The following POF1B variants were observed in gnomAD, a reference collection of about 807,000 sequenced individuals.
The protein encoded by POF1B is protein POF1B.
In POF1B, 53 loss-of-function variants were observed where a neutral mutation model predicts 55.3. The ratio of observed to expected loss-of-function variants is 0.96; its 90% CI spans 0.77 to 1.20. The LOEUF is 1.20. Among genes scored for constraint, POF1B ranks in the 50% most tolerant of loss-of-function variants. The pLI, the probability that POF1B is intolerant of heterozygous loss-of-function variation, is 0.00. For synonymous variants in POF1B, 188 were observed against 148.3 expected, an observed-to-expected ratio of 1.27 and a Z score of -1.95; for missense variants, 478 against 420.5, an observed-to-expected ratio of 1.14 and a Z score of -1.20.
intron 6 of POF1B, among the ~76,000 whole-genome samples, chrX:85,332,030 A>G (rs1276095148): frequency 9.0e-6 from 1 of 111,605 alleles, no homozygotes; most frequent in Non-Finnish European, 1.9e-5. Flanking sequence ...GGTTGATTTC[A>G]TATCTTGGAT....
At chrX:85,336,063 A>C (rs1181547309) in intron 6 of POF1B, among the ~76,000 whole-genome samples, 2 of 110,218 alleles carry the variant, frequency 1.8e-5, no homozygotes, top group African/African-American at 6.6e-5. Flanking sequence ...ATGAGTTCTA[A>C]TGTTTTGTAT....
chrX:85,280,180 T>A (rs1004283114), intron 16 of POF1B, among the ~76,000 whole-genome samples: 2 of 111,490 alleles, frequency 1.8e-5, no homozygotes, highest in African/African-American at 6.5e-5. Flanking sequence ...AAAGAAACTT[T>A]TTGAATTTTT....
At chrX:85,323,157 G>A (rs190579759) in intron 7 of POF1B, among the ~76,000 whole-genome samples, 2,209 of 111,540 alleles carry the variant, frequency 0.02, 88 homozygotes, top group Admixed American at 0.12. Context: ...TACATTTATT[G>A]CGGCACTATT....
intron 6 of POF1B, among the ~76,000 whole-genome samples, chrX:85,332,809 T>A (rs2147926310): frequency 9.0e-6 from 1 of 111,321 alleles, no homozygotes; most frequent in South Asian, 3.8e-4. Context: ...TATACCACAA[T>A]GTTAGTTATC....
intron 7 of POF1B, among the ~76,000 whole-genome samples, chrX:85,320,414 C>T (rs908691181): frequency 9.1e-6 from 1 of 110,345 alleles, no homozygotes; most frequent in African/African-American, 3.3e-5. Flanking sequence ...ACACAACATA[C>T]CAGAATCTCT....
Position 85,330,990 on chromosome X carries a change from T to C in POF1B, c.813A>G (p.Leu271=). The part of the protein sequence containing the change: ...LADLSRKNTD[L]YHCLLEHLQR... ...GCAAATGTTCTAATAAGCAGTGATATAGATCCGTATTCTTACGGCTCAGAT... is the reference window on the plus strand; with the variant it reads ...GCAAATGTTCTAATAAGCAGTGATACAGATCCGTATTCTTACGGCTCAGAT... Residue 271 remains leucine (L), a synonymous_variant, in exon 7 of 17, where the codon CTA becomes CTG. Transcript: ENST00000262753. The C allele has an allele frequency of 1.7e-6, 2 of 1,203,688 alleles. No homozygotes were observed. Among genetic ancestry groups the C allele is most frequent in the Non-Finnish European group, 2.2e-6 (2 of 891,065 alleles).
At chrX:85,288,075 G>A (rs1932095425) in intron 15 of POF1B, among the ~76,000 whole-genome samples, 1 of 111,396 alleles carries the variant, frequency 9.0e-6, no homozygotes. Flanking sequence ...TGATTTCACT[G>A]GTGAAAATTA....
At position 85,303,458 on chromosome X, in the gene POF1B, A is replaced by G. The variant is rs369521196; in HGVS notation, c.1597T>C (p.Ser533Pro). The G allele has an allele frequency of 7.6e-5, 91 of 1,191,703 alleles. No individual in the cohort carries two copies. Among genetic ancestry groups the G allele is most frequent in the Non-Finnish European group, 9.6e-5 (85 of 881,440 alleles). Residue 533 changes from serine (S) to proline (P), a missense_variant, in exon 15 of 17, where the codon TCC becomes CCC. Ser to Pro is a moderately conservative substitution (Grantham distance 74, BLOSUM62 -1). Coordinates refer to ENST00000262753, the MANE Select transcript of POF1B (RefSeq NM_024921.4). ...CCAGTGGAGGGTTGGTTATGAGAGG[A>G]ATATATTTCTTGCCGCAACTTGGAG... ...ELSKLRQEIY[S>P]SHNQPSTGGR... is the part of the protein sequence containing the mutation.
At chrX:85,346,416 G>A (rs958211677) in intron 5 of POF1B, among the ~76,000 whole-genome samples, 3 of 109,566 alleles carry the variant, frequency 2.7e-5, no homozygotes, top group Non-Finnish European at 5.7e-5. Context: ...CTATAATACC[G>A]AAGATATAGG....
In POF1B at chrX:85,283,536, G is replaced by GA. The variant is rs762512765; in HGVS notation, c.1650-1220dup. ...TTAAAATAAAACATAAAAGAAAACG[G>GA]AAAAAAATGAATGCAGCATGAAATA... On this transcript the variant is annotated intron_variant, in intron 15 of 16. Coordinates refer to ENST00000262753, the MANE Select transcript of POF1B (RefSeq NM_024921.4). Among the ~76,000 whole-genome samples, 8 of 109,793 alleles carry GA rather than the reference G, an allele frequency of 7.3e-5. No homozygotes were observed. The East Asian group carries it at 1.1e-3, about 16-fold the overall frequency.
chrX:85,314,787 G>A (rs889437259), intron 8 of POF1B, among the ~76,000 whole-genome samples: 2 of 111,722 alleles, frequency 1.8e-5, no homozygotes, highest in Admixed American at 9.5e-5. Flanking sequence ...TTAAAAAGAC[G>A]AAATTAAAAG....
At chrX:85,318,600 A>T (rs1176784103) in intron 7 of POF1B, among the ~76,000 whole-genome samples, 2 of 111,796 alleles carry the variant, frequency 1.8e-5, no homozygotes, top group Non-Finnish European at 3.8e-5. Flanking sequence ...CTAACCAGTT[A>T]TCCCAGCACC....
chrX:85,370,882 G>A (rs1407486258), intron 2 of POF1B, among the ~76,000 whole-genome samples: 1 of 112,153 alleles, frequency 8.9e-6, no homozygotes, highest in African/African-American at 3.2e-5. Context: ...GTATCAGTCA[G>A]TGTTTAATTT....
At chrX:85,306,370 T>A (rs1462716236) in intron 11 of POF1B, 37 bp from the exon 12 acceptor site, 6 of 1,172,282 alleles carry the variant, frequency 5.1e-6, no homozygotes, top group African/African-American at 1.8e-5. Flanking sequence ...ACAAATGCAT[T>A]TTGTTTTTGG....
chrX:85,331,080 C>G lies in POF1B; in HGVS notation c.724-1G>C. 1.7e-6 allele frequency: 2 copies of G among 1,197,027 alleles called. No individual in the cohort carries two copies. The highest frequency in any genetic ancestry group is 2.2e-6 in the Non-Finnish European group (2 of 888,914). On this transcript the variant is annotated splice_acceptor_variant, in intron 6 of 16. Coordinates refer to ENST00000262753, the MANE Select transcript of POF1B (RefSeq NM_024921.4). LOFTEE classifies it high-confidence loss of function. ...CAGGGCCATCATCCTGAATTATCAC[C>G]TGAAGCAAACATCAATCACAATTGT... is the stretch of plus-strand genomic sequence containing the variant.
chrX:85,351,646 A>C (rs1236944910), intron 4 of POF1B, among the ~76,000 whole-genome samples, 195 bp from the exon 5 acceptor site: 1 of 110,698 alleles, frequency 9.0e-6, no homozygotes, highest in Non-Finnish European at 1.9e-5. Flanking sequence ...CAAAAAGAAC[A>C]ATCTGGATTT....
Position 85,356,890 on chromosome X carries a change from C to T in POF1B, c.438+2660G>A, listed in dbSNP as rs766442294. On this transcript the variant is annotated intron_variant, in intron 4 of 16. Coordinates refer to ENST00000262753, the MANE Select transcript of POF1B (RefSeq NM_024921.4). The stretch of plus-strand genomic sequence containing the variant: ...TATATAATCCCCAACATCTACTTTA[C>T]GGTTCCCAGGCCCCAAAATCTTGGT... 1.7e-3 allele frequency among the ~76,000 whole-genome samples: 190 copies of T among 111,031 alleles called. 1 individual carries two copies. Among genetic ancestry groups the T allele is most frequent in the African/African-American group, 5.9e-3 (181 of 30,666 alleles).
At chrX:85,332,507 C>G (rs757113802) in intron 6 of POF1B, among the ~76,000 whole-genome samples, 1 of 111,192 alleles carries the variant, frequency 9.0e-6, no homozygotes, top group Non-Finnish European at 1.9e-5. Context: ...ATACTACTTT[C>G]AACATTGCAT....
chrX:85,362,766 A>T (rs1933646827), intron 3 of POF1B, among the ~76,000 whole-genome samples: 1 of 111,283 alleles, frequency 9.0e-6, no homozygotes, highest in Non-Finnish European at 1.9e-5. Context: ...TCATAAAATG[A>T]TTTGGGGAGG....
Sources: gnomAD v4.1 joint callset for allele counts (sites outside exome capture counted in the v4.1 genomes callset) on GRCh38, gnomAD v4.1.1 for gene constraint, MANE v1.5 for transcripts, NCBI Gene and HGNC (gene_info 2026-07-23, HGNC 2026-07-21) for gene names.